ALS2: variants seen among roughly 807,000 people sequenced by gnomAD.
ALS2 encodes the protein alsin Rho guanine nucleotide exchange factor ALS2.
ALS2 carries 117 observed loss-of-function variants against 203.4 expected under a neutral mutation model. The observed-to-expected ratio is 0.58, with a 90% CI of 0.50 to 0.67. The LOEUF is 0.67. ALS2 is among the 30% of genes least tolerant of loss of function. ALS2 has a pLI of 0.00. For synonymous variants in ALS2, 718 were observed against 725.9 expected (o/e 0.99, Z 0.17); for missense variants, 1,715 against 1,989.4 (o/e 0.86, Z 2.62).
At position 201,738,742 on chromosome 2, in the gene ALS2, C is replaced by A; in HGVS notation, c.2352-7G>T. The A allele has an allele frequency of 6.2e-7, 1 of 1,612,524 alleles. No individual in the cohort carries two copies. The highest frequency in any genetic ancestry group is 1.1e-5 in the South Asian group (1 of 91,026). On this transcript the variant is annotated splice_polypyrimidine_tract_variant and splice_region_variant and intron_variant, in intron 11 of 33. Transcript: ENST00000264276. ...TGTAATAGATGTGCAATACCTTGAG[C>A]AGAAAAGAAAACACATGTACATTAG...
intron 1 of ALS2, among the ~76,000 whole-genome samples, chr2:201,777,943 T>C (rs2106120214): frequency 6.6e-6 from 1 of 152,304 alleles, no homozygotes; most frequent in Middle Eastern, 3.4e-3. Flanking sequence ...GTTTATCCAT[T>C]TCCCCACTAA....
At position 201,761,009 on chromosome 2, in the gene ALS2, C is replaced by T; in HGVS notation, c.985G>A (p.Glu329Lys). The T allele has an allele frequency of 6.2e-7, 1 of 1,614,148 alleles. No individual in the cohort carries two copies. Among genetic ancestry groups the T allele is most frequent in the Non-Finnish European group, 8.5e-7 (1 of 1,180,034 alleles). Residue 329 changes from glutamate (E) to lysine (K), a missense_variant, in exon 4 of 34, where the codon GAA (glutamate) becomes AAA (lysine). By Grantham distance (56) the Glu-to-Lys change is moderately conservative (BLOSUM62 1). This residue lies in a region of ALS2 where 476 missense variants were observed against 539.3 expected (regional missense o/e 0.88). Transcript: ENST00000264276. ...GGTATGTTTCTGGCAGAGGAAATTTCAGTTGTTCCCATGACATTTTGTTGA... is the reference window on the plus strand; with the variant it reads ...GGTATGTTTCTGGCAGAGGAAATTTTAGTTGTTCCCATGACATTTTGTTGA... ...SSQQNVMGTT[E>K]ISSARNIPSY...
intron 1 of ALS2, among the ~76,000 whole-genome samples, chr2:201,779,581 G>C (rs575075753): frequency 1.3e-5 from 2 of 152,260 alleles, no homozygotes; most frequent in East Asian, 3.9e-4. Context: ...GATGTAGTGG[G>C]AGGAATTAAT....
intron 23 of ALS2, among the ~76,000 whole-genome samples, chr2:201,720,481 T>C (rs1024069820): frequency 2.8e-5 from 4 of 143,976 alleles, no homozygotes; most frequent in East Asian, 2.0e-4. Flanking sequence ...GGTGGGTGGA[T>C]TGCTTGAGCT....
intron 23 of ALS2, among the ~76,000 whole-genome samples, chr2:201,719,591 AAAAATAAAAAT>A (rs1690635141): frequency 1.4e-5 from 1 of 71,552 alleles, no homozygotes; most frequent in Admixed American, 1.2e-4. Flanking sequence ...CCGTCTCGAA[AAAAATAAAAAT>A]AAAAATAAAA....
intron 2 of ALS2, 46 bp downstream of exon 2, chr2:201,768,820 C>T: frequency 6.3e-7 from 1 of 1,586,334 alleles, no homozygotes. Context: ...AAGCTGTTTG[C>T]TATGTTTTCC....
intron 4 of ALS2, 108 bp downstream of exon 4, chr2:201,760,773 C>A (rs1162699030): frequency 1.4e-6 from 2 of 1,457,684 alleles, no homozygotes; most frequent in East Asian, 2.5e-5. Context: ...TAATCAAACT[C>A]AAAAAATAAA....
intron 2 of ALS2, among the ~76,000 whole-genome samples, chr2:201,767,968 A>G (rs908602597): frequency 6.6e-6 from 1 of 151,956 alleles, no homozygotes; most frequent in Non-Finnish European, 1.5e-5. Flanking sequence ...TAGAAGTTTT[A>G]GCATTTGGTA....
At chr2:201,733,495 A>T in intron 12 of ALS2, 57 bp from the exon 13 acceptor site, 2 of 1,494,142 alleles carry the variant, frequency 1.3e-6, no homozygotes, top group South Asian at 1.2e-5. Context: ...TAATATGTAC[A>T]TTAAATAAAA....
chr2:201,717,922 G>A (rs1353708945), intron 24 of ALS2, among the ~76,000 whole-genome samples, 155 bp downstream of exon 24: 1 of 152,056 alleles, frequency 6.6e-6, no homozygotes, highest in Non-Finnish European at 1.5e-5. Flanking sequence ...CCTGGTGACA[G>A]AGTGACACCC....
In ALS2 at chr2:201,757,687, C is replaced by G; in HGVS notation, c.1186G>C (p.Val396Leu). Residue 396 changes from valine (V) to leucine (L), a missense_variant, in exon 5 of 34, where the codon GTG (valine) becomes CTG (leucine). Physicochemically the swap from Val to Leu is conservative, Grantham distance 32. This residue lies in a region of ALS2 where 476 missense variants were observed against 539.3 expected (regional missense o/e 0.88). Transcript: ENST00000264276. ...TTSTSALNSLVVSCASAVGVR... is the reference protein window; with the variant it reads ...TTSTSALNSLLVSCASAVGVR... ...CCAACAGCAGATGCACAAGAGACCA[C>G]CAGGCTGTTTAGGGCTGAGGTGCTT... 1 of 1,613,944 alleles carries G rather than the reference C, an allele frequency of 6.2e-7. No homozygotes were observed. The highest frequency in any genetic ancestry group is 8.5e-7 in the Non-Finnish European group (1 of 1,180,016).
intron 4 of ALS2, 107 bp from the exon 5 acceptor site, chr2:201,757,866 T>C: frequency 1.2e-6 from 1 of 857,230 alleles, no homozygotes; most frequent in South Asian, 1.8e-5. Flanking sequence ...TGTAAGAATC[T>C]AAAACGACAG....
intron 1 of ALS2, among the ~76,000 whole-genome samples, chr2:201,776,279 T>C (rs1694656541): frequency 6.6e-6 from 1 of 152,134 alleles, no homozygotes; most frequent in South Asian, 2.1e-4. Flanking sequence ...CTTTACAGTC[T>C]TTTTTTAATG....
chr2:201,737,409 C>A (rs1037717530), intron 12 of ALS2, among the ~76,000 whole-genome samples: 3 of 152,010 alleles, frequency 2.0e-5, no homozygotes, highest in Non-Finnish European at 4.4e-5. Context: ...AACCTTAATA[C>A]ATTAAGATTA....
At position 201,753,998 on chromosome 2, in the gene ALS2, CT is replaced by C. The variant is rs200313644; in HGVS notation, c.1640+504del. Among the ~76,000 whole-genome samples the C allele has an allele frequency of 6.9e-3, 1,038 of 149,732 alleles. 10 individuals carry two copies. Among genetic ancestry groups the C allele is most frequent in the African/African-American group, 0.025 (1,002 of 40,768 alleles). ...CCATGGATACTTAAGTCTTTTACTG[CT>C]TTTTTTTTCTTTTCCTTTTTTTTTT... On this transcript the variant is annotated intron_variant, in intron 6 of 33. Transcript: ENST00000264276.
In ALS2 at chr2:201,715,813, G is replaced by GA. The variant is rs767175419; in HGVS notation, c.3862_3863insT (p.Pro1288LeufsTer3). Reference sequence around the variant, plus strand: ...CACCGCTTTCCACTTCTCATCAGCTGGCACTGCCAGGTTTCCTAGCTTCCT... The same window carrying GA: ...CACCGCTTTCCACTTCTCATCAGCTGAGCACTGCCAGGTTTCCTAGCTTCCT... On this transcript the variant is annotated frameshift_variant, in exon 25 of 34. Transcript: ENST00000264276. LOFTEE classifies it high-confidence loss of function. The GA allele has an allele frequency of 6.2e-7, 1 of 1,614,004 alleles. No individual in the cohort carries two copies. Among genetic ancestry groups the GA allele is most frequent in the Non-Finnish European group, 8.5e-7 (1 of 1,180,032 alleles).
chr2:201,759,965 C>T (rs764144035), intron 4 of ALS2: 194 of 983,556 alleles, frequency 2.0e-4, no homozygotes, highest in Non-Finnish European at 2.2e-4. Context: ...TTACCATGTG[C>T]TACTGATAAA....
chr2:201,767,496 A>C, intron 2 of ALS2, 113 bp from the exon 3 acceptor site: 1 of 1,190,740 alleles, frequency 8.4e-7, no homozygotes, highest in Non-Finnish European at 1.2e-6. Flanking sequence ...ACTAGGTCAG[A>C]TAGCTGAATT....
chr2:201,738,861 G>C (rs1036712780), intron 11 of ALS2, 126 bp from the exon 12 acceptor site: 1 of 836,152 alleles, frequency 1.2e-6, no homozygotes, highest in Non-Finnish European at 2.0e-6. Context: ...GTTTTGTGAT[G>C]TCAACATTTG....
Sources: gnomAD v4.1 joint callset for allele counts (sites outside exome capture counted in the v4.1 genomes callset) on GRCh38, gnomAD v4.1.1 for gene constraint, gnomAD v4.1.1 regional missense constraint, MANE v1.5 for transcripts, NCBI Gene and HGNC (gene_info 2026-07-23, HGNC 2026-07-21) for gene names.